Variants in TTLL5 observed in about 807,000 individuals in gnomAD.
The protein encoded by TTLL5 is tubulin tyrosine ligase like 5, also known as tubulin polyglutamylase TTLL5.
In TTLL5, 132 loss-of-function variants were observed where a neutral mutation model predicts 168.4. The ratio of observed to expected loss-of-function variants is 0.78; its 90% CI spans 0.68 to 0.91. TTLL5 has a LOEUF of 0.91. TTLL5 is among the 40% of genes least tolerant of loss of function. TTLL5 has a pLI of 0.00. For synonymous variants in TTLL5, 546 were observed against 558.6 expected (o/e 0.98, Z 0.32); for missense variants, 1,545 against 1,581.5 (o/e 0.98, Z 0.39).
intron 20 of TTLL5, among the ~76,000 whole-genome samples, chr14:75,768,176 A>G (rs752942427): frequency 1.3e-5 from 2 of 152,202 alleles, no homozygotes; most frequent in Non-Finnish European, 1.5e-5. Context: ...GCCCTGGGGA[A>G]TACCACTGTT....
intron 9 of TTLL5, chr14:75,709,283 G>A (rs1236120059): frequency 2.7e-6 from 2 of 738,198 alleles, no homozygotes; most frequent in Admixed American, 3.8e-5. Context: ...TATTATTTTA[G>A]AATGGTCTTT....
Position 75,782,539 on chromosome 14 carries a change from A to G in TTLL5, c.2568A>G (p.Gln856=). Residue 856 remains glutamine (Q), a synonymous_variant, in exon 25 of 32, where the codon CAA becomes CAG. Transcript: ENST00000298832. ...EEVKIKPPKQ[Q]QTTEIHSDKL... is the part of the protein sequence containing the mutation. ...TGAAAATAAAGCCACCTAAACAGCA[A>G]CAGACGACAGAAATTCATTCTGATA... is the stretch of plus-strand genomic sequence containing the variant. 6.2e-7 allele frequency: 1 copy of G among 1,614,070 alleles called. No individual in the cohort carries two copies. Among genetic ancestry groups the G allele is most frequent in the Non-Finnish European group, 8.5e-7 (1 of 1,179,956 alleles).
rs577887303 is a variant in TTLL5 at position 75,754,185 on chromosome 14, G to T, written c.1550+1230G>T. Among the ~76,000 whole-genome samples, 48 of 152,276 alleles carry T rather than the reference G, an allele frequency of 3.2e-4. No homozygotes were observed. In the South Asian group the frequency reaches 9.1e-3, roughly 29 times the overall value. On this transcript the variant is annotated intron_variant, in intron 18 of 31. Transcript: ENST00000298832. ...TTAATTAAGTTTTTTATTTTGGCAAGTGTGTTTTTAATATACAAGAACTAT... is the reference window on the plus strand; with the variant it reads ...TTAATTAAGTTTTTTATTTTGGCAATTGTGTTTTTAATATACAAGAACTAT...
chr14:75,892,611 G>A (rs576948676), intron 30 of TTLL5, among the ~76,000 whole-genome samples: 51 of 152,244 alleles, frequency 3.3e-4, no homozygotes, highest in Middle Eastern at 3.4e-3. Context: ...CCTGCAAAGC[G>A]CAGAACAGTC....
At chr14:75,758,699 A>C (rs1890437211) in intron 18 of TTLL5, among the ~76,000 whole-genome samples, 1 of 152,178 alleles carries the variant, frequency 6.6e-6, no homozygotes, top group African/African-American at 2.4e-5. Context: ...AAAATGATAC[A>C]GAGTATGTTC....
rs778647332 is a variant in TTLL5 at position 75,851,433 on chromosome 14, G to A, written c.3327-12234G>A. Among the ~76,000 whole-genome samples the A allele has an allele frequency of 6.6e-5, 10 of 152,228 alleles. No homozygotes were observed. In the East Asian group the frequency reaches 1.2e-3, roughly 18 times the overall value. On this transcript the variant is annotated intron_variant, in intron 28 of 31. Coordinates refer to ENST00000298832, the MANE Select transcript of TTLL5 (RefSeq NM_015072.5). The stretch of plus-strand genomic sequence containing the variant: ...TGAAAAGGTGAAAGGGTATATAGCC[G>A]CTGCTGGTAATTTAGCCTTGGGGGA...
chr14:75,748,036 T>C (rs1889718043), intron 17 of TTLL5, among the ~76,000 whole-genome samples: 1 of 152,230 alleles, frequency 6.6e-6, no homozygotes, highest in Non-Finnish European at 1.5e-5. Flanking sequence ...ATTTCCTCTC[T>C]GTCTGTGTAG....
chr14:75,918,768 T>C (rs1423130782), intron 31 of TTLL5, among the ~76,000 whole-genome samples: 4 of 152,172 alleles, frequency 2.6e-5, no homozygotes, highest in African/African-American at 7.2e-5. Context: ...TACTCTTAAA[T>C]TATGGAGATT....
intron 28 of TTLL5, among the ~76,000 whole-genome samples, chr14:75,826,503 ATTAT>A (rs894533099): frequency 1.3e-5 from 2 of 152,136 alleles, no homozygotes; most frequent in Admixed American, 6.5e-5. Flanking sequence ...TTTCACAAAA[ATTAT>A]TTACTGGTCA....
chr14:75,756,633 G>A (rs1432114236), intron 18 of TTLL5, among the ~76,000 whole-genome samples: 1 of 150,734 alleles, frequency 6.6e-6, no homozygotes, highest in African/African-American at 2.4e-5. Context: ...TCAGCCTCCC[G>A]AGCAGCTGGG....
At chr14:75,880,715 A>G (rs1001796756) in intron 29 of TTLL5, among the ~76,000 whole-genome samples, 8 of 152,192 alleles carry the variant, frequency 5.3e-5, no homozygotes, top group Non-Finnish European at 1.2e-4. Context: ...ACAGCTGCAA[A>G]GAAAGGGTTT....
intron 30 of TTLL5, among the ~76,000 whole-genome samples, chr14:75,895,285 G>A (rs1318293091): frequency 1.3e-5 from 2 of 152,066 alleles, no homozygotes; most frequent in Non-Finnish European, 2.9e-5. Flanking sequence ...CTGATTCTGA[G>A]CCCTGAAATT....
chr14:75,924,809 A>G (rs1295944631), intron 31 of TTLL5, among the ~76,000 whole-genome samples: 1 of 151,880 alleles, frequency 6.6e-6, no homozygotes, highest in East Asian at 1.9e-4. Flanking sequence ...TACACCTCCC[A>G]GACCGGGTGG....
chr14:75,944,859 A>G (rs993910453), intron 31 of TTLL5, among the ~76,000 whole-genome samples: 8 of 152,154 alleles, frequency 5.3e-5, no homozygotes, highest in African/African-American at 1.9e-4. Flanking sequence ...CATGTGCACT[A>G]AGAGGCAAAA....
At chr14:75,911,142 C>T (rs1289132317) in intron 31 of TTLL5, among the ~76,000 whole-genome samples, 1 of 152,196 alleles carries the variant, frequency 6.6e-6, no homozygotes, top group African/African-American at 2.4e-5. Context: ...ACTCTCGAGC[C>T]TTCGCCTCCC....
chr14:75,773,446 A>T (rs544065228), intron 21 of TTLL5, among the ~76,000 whole-genome samples: 5 of 152,346 alleles, frequency 3.3e-5, no homozygotes, highest in Middle Eastern at 6.8e-3. Flanking sequence ...AACCAAAATC[A>T]AATTCAAGAA....
intron 31 of TTLL5, among the ~76,000 whole-genome samples, chr14:75,937,952 G>A (rs1242847586): frequency 6.6e-6 from 1 of 152,168 alleles, no homozygotes; most frequent in Non-Finnish European, 1.5e-5. Context: ...TGTAGTAGCT[G>A]TACCATTTTA....
chr14:75,954,361 G>A, intron 31 of TTLL5, 63 bp from the exon 32 acceptor site: 5 of 1,570,390 alleles, frequency 3.2e-6, no homozygotes, highest in Non-Finnish European at 4.4e-6. Flanking sequence ...AGACATTGCT[G>A]CCTGTAAGTA....
In TTLL5 at chr14:75,800,239, C is replaced by G. The variant is rs796423890; in HGVS notation, c.3171+7139C>G. ...TCTTCGAGCTCTGAAGTTCTTTCTT[C>G]TACTTTTTTGATTCTATTGTTGAAA... On this transcript the variant is annotated intron_variant, in intron 27 of 31. Transcript: ENST00000298832. Among the ~76,000 whole-genome samples the G allele has an allele frequency of 3.9e-5, 6 of 152,162 alleles. 1 individual carries two copies. Among genetic ancestry groups the G allele is most frequent in the African/African-American group, 1.4e-4 (6 of 41,514 alleles).
Sources: gnomAD v4.1 joint callset for allele counts (sites outside exome capture counted in the v4.1 genomes callset) on GRCh38, gnomAD v4.1.1 for gene constraint, MANE v1.5 for transcripts, NCBI Gene and HGNC (gene_info 2026-07-23, HGNC 2026-07-21) for gene names.